The following SBF1 variants were observed in gnomAD, a reference collection of about 807,000 sequenced individuals.
SBF1 encodes myotubularin-related protein 5.
A neutral mutation model predicts 215.8 loss-of-function variants in SBF1; 65 were observed. The ratio of observed to expected loss-of-function variants is 0.30; its 90% CI spans 0.25 to 0.37. The LOEUF is 0.37. Among genes scored for constraint, SBF1 ranks in the 10% least tolerant of loss-of-function variants. SBF1 has a pLI of 1.00. For missense variants in SBF1, 2,634 were observed against 2,667.8 expected (o/e 0.99, Z 0.28); for synonymous variants, 1,410 against 1,122.8 (o/e 1.26, Z -5.11).
intron 1 of SBF1, among the ~76,000 whole-genome samples, chr22:50,469,808 T>A (rs1474248240): frequency 6.6e-6 from 1 of 150,736 alleles, no homozygotes; most frequent in Non-Finnish European, 1.5e-5. Flanking sequence ...TGGGAACAGA[T>A]GAGCAACTCT....
Position 50,455,656 on chromosome 22 carries a change from C to G in SBF1, c.4267-74G>C, listed in dbSNP as rs2067217921. ...CCTGGCCACTCACCAGGCCAGAGACCCGCATGTCCACAGGCAGCGGGGAGG... is the reference window on the plus strand; with the variant it reads ...CCTGGCCACTCACCAGGCCAGAGACGCGCATGTCCACAGGCAGCGGGGAGG... On this transcript the variant is annotated intron_variant, in intron 31 of 40. Transcript: ENST00000380817. 3 of 1,267,018 alleles carry G rather than the reference C, an allele frequency of 2.4e-6. No homozygotes were observed. In the Admixed American group the frequency reaches 6.0e-5, roughly 25 times the overall value. 78.5% of individuals were successfully genotyped at this position (1,267,018 alleles called of 1,614,324 possible). A position where few individuals can be genotyped will look rare whatever the true frequency, so the allele number is the denominator to read the frequency against.
Position 50,448,583 on chromosome 22 carries a change from A to G in SBF1, c.5111T>C (p.Val1704Ala). Residue 1704 changes from valine to alanine, a missense_variant, in exon 37 of 41, where the codon GTG (valine) becomes GCG (alanine). Val to Ala is a moderately conservative substitution (Grantham distance 64). Transcript: ENST00000380817. ...GCCCTCGAGGCGCTGTGCAGCCTTC[A>G]CCCGGTCCCAGGTGTCCTTCCAGCG... ...AERWKDTWDR[V>A]KAAQRLEGRP... 1 of 1,611,984 alleles carries G rather than the reference A, an allele frequency of 6.2e-7. No homozygotes were observed. The highest frequency in any genetic ancestry group is 8.5e-7 in the Non-Finnish European group (1 of 1,180,018).
At chr22:50,456,152 T>C in intron 31 of SBF1, 64 bp downstream of exon 31, 1 of 1,549,674 alleles carries the variant, frequency 6.5e-7, no homozygotes, top group Non-Finnish European at 8.8e-7. Context: ...ACCCGTCCAC[T>C]TGGCTCTACC....
At position 50,462,891 on chromosome 22, in the gene SBF1, A is replaced by T. The variant is rs180800708; in HGVS notation, c.1947T>A (p.Pro649=). The change falls in exon 17 of 41, where the codon CCT becomes CCA. Residue 649 remains proline (P), a synonymous_variant. Coordinates refer to ENST00000380817, the MANE Select transcript of SBF1 (RefSeq NM_002972.4). ...DEHGIAAALL[P]LVTAFCRKLS... ...TCACCCGGCAGAAGGCTGTGACCAG[A>T]GGCAGCAGAGCCGCCGCAATGCCAT... 8,963 of 1,612,982 alleles carry T rather than the reference A, an allele frequency of 5.6e-3. 30 individuals are homozygous for T. Among genetic ancestry groups the T allele is most frequent in the Non-Finnish European group, 6.4e-3 (7,601 of 1,179,910 alleles).
chr22:50,464,205 C>T, intron 15 of SBF1, 124 bp downstream of exon 15: 3 of 815,662 alleles, frequency 3.7e-6, no homozygotes, highest in East Asian at 2.6e-5. Context: ...GCCCAGCCAC[C>T]TCTAGCTGTC....
chr22:50,460,770 C>T (rs2067473992), intron 23 of SBF1, 58 bp from the exon 24 acceptor site: 2 of 1,545,738 alleles, frequency 1.3e-6, no homozygotes, highest in Non-Finnish European at 1.8e-6. Flanking sequence ...CCTCCCCCAA[C>T]TCTGACACTG....
rs759614594 is a variant in SBF1, at chr22:50,461,714, T to G, written c.2648A>C (p.Lys883Thr). The G allele has an allele frequency of 1.2e-6, 2 of 1,609,412 alleles. No individual in the cohort carries two copies. The highest frequency in any genetic ancestry group is 1.7e-6 in the Non-Finnish European group (2 of 1,178,318). ...CGGCAGCAGGCGCGGCCGCAGCAGC[T>G]TGGGCTGCTCGAAAACAAGAGCAGG... The part of the protein sequence containing the change: ...SRRLPPIQKP[K>T]LLRPRLLPGE... The change falls in exon 22 of 41, where the codon AAG becomes ACG. Residue 883 changes from lysine to threonine, a missense_variant. Lys to Thr is a moderately conservative substitution (Grantham distance 78). Transcript: ENST00000380817.
intron 5 of SBF1, chr22:50,466,996 G>A (rs2067792089): frequency 1.8e-6 from 1 of 559,592 alleles, no homozygotes; most frequent in Non-Finnish European, 3.2e-6. Context: ...CCTCAACAGA[G>A]TCCAGCTGCA....
At chr22:50,467,109 A>T in intron 5 of SBF1, 1 of 595,096 alleles carries the variant, frequency 1.7e-6, no homozygotes, top group Admixed American at 3.0e-5. Flanking sequence ...AGACAGGCAC[A>T]CACCATCAAA....
chr22:50,448,513 C>T (rs762952890), intron 37 of SBF1, 30 bp downstream of exon 37: 1 of 1,609,850 alleles, frequency 6.2e-7, no homozygotes, highest in Admixed American at 1.7e-5. Context: ...AACACGCCCA[C>T]CGTGGACGCT....
Position 50,447,546 on chromosome 22 carries a change from G to C in SBF1, c.5427C>G (p.Phe1809Leu). Residue 1809 changes from phenylalanine to leucine, a missense_variant, in exon 39 of 41, where the codon TTC (phenylalanine) becomes TTG (leucine). By Grantham distance (22) the Phe-to-Leu change is conservative. Transcript: ENST00000380817. ...CCTGGTGCTTGGTCTTGTCCAGCAC[G>C]AACCAGCGGGCCTTCCAAGGCTTCA... ...AFMKPWKARW[F>L]VLDKTKHQLR... 1 of 1,612,002 alleles carries C rather than the reference G, an allele frequency of 6.2e-7. No homozygotes were observed.
At position 50,447,099 on chromosome 22, in the gene SBF1, C is replaced by T. The variant is rs182855637; in HGVS notation, c.*43G>A. 1.1e-4 allele frequency: 174 copies of T among 1,555,584 alleles called. No individual in the cohort carries two copies. The Admixed American group carries it at 2.4e-3, about 21-fold the overall frequency. ...GGCGGCCCTGCCCACCCCTAGTGGT[C>T]GGTAACGACCGGAAGCAGAGCAGCC... On this transcript the variant is annotated 3_prime_UTR_variant, in exon 41 of 41. Coordinates refer to ENST00000380817, the MANE Select transcript of SBF1 (RefSeq NM_002972.4).
Position 50,454,598 on chromosome 22 carries a change from C to A in SBF1, c.4957G>T (p.Ala1653Ser). ...ACCACGCGGCGCCTGCTCTGGGGAG[C>A]GCCTCCATCAGACCGTTCTTCCTCT... The part of the protein sequence containing the change: ...PPEEERSDGG[A>S]PQSRRRVVWP... The change falls in exon 36 of 41, where the codon GCT (alanine) becomes TCT (serine). Residue 1653 changes from alanine to serine, a missense_variant. Coordinates refer to ENST00000380817, the MANE Select transcript of SBF1 (RefSeq NM_002972.4). 6.2e-7 allele frequency: 1 copy of A among 1,609,800 alleles called. No individual in the cohort carries two copies. The highest frequency in any genetic ancestry group is 8.5e-7 in the Non-Finnish European group (1 of 1,178,512).
At chr22:50,459,834 C>T (rs961502490) in intron 26 of SBF1, 118 bp downstream of exon 26, 31 of 1,391,396 alleles carry the variant, frequency 2.2e-5, no homozygotes, top group Admixed American at 5.5e-5. Flanking sequence ...TCCCTCTGCC[C>T]GGAGTCTCCC....
chr22:50,465,559 T>A (rs992226218), intron 10 of SBF1, among the ~76,000 whole-genome samples: 1 of 152,196 alleles, frequency 6.6e-6, no homozygotes, highest in African/African-American at 2.4e-5. Flanking sequence ...TTCCAGCCCC[T>A]TGCTGGGCCC....
rs770761811 is a variant in SBF1 at position 50,462,194 on chromosome 22, C to T, written c.2396+11G>A. 4 of 1,604,080 alleles carry T rather than the reference C, an allele frequency of 2.5e-6. No homozygotes were observed. Among genetic ancestry groups the T allele is most frequent in the Non-Finnish European group, 3.4e-6 (4 of 1,179,462 alleles). ...GCCTCCACTGGGCCCAACCCCCAGT[C>T]CCTGCCTCACCTGTTGGTGACCAGG... On this transcript the variant is annotated intron_variant, in intron 19 of 40. Transcript: ENST00000380817.
At position 50,462,059 on chromosome 22, in the gene SBF1, G is replaced by A. The variant is rs755318372; in HGVS notation, c.2457C>T (p.Thr819=). 1.9e-6 allele frequency: 3 copies of A among 1,614,174 alleles called. No homozygotes were observed. The highest frequency in any genetic ancestry group is 2.2e-5 in the South Asian group (2 of 91,090). Reference sequence around the variant, plus strand: ...GGACCACAGCCCCAGCTACGTCGCAGGTCTCTGCATCCTCGAAGCCGCTCT... The same window carrying A: ...GGACCACAGCCCCAGCTACGTCGCAAGTCTCTGCATCCTCGAAGCCGCTCT... The part of the protein sequence containing the change: ...DTESGFEDAE[T]CDVAGAVVRF... The change falls in exon 20 of 41, where the codon ACC becomes ACT. Residue 819 remains threonine (T), a synonymous_variant. Transcript: ENST00000380817.
At position 50,446,658 on chromosome 22, in the gene SBF1, G is replaced by A. The variant is rs1156606155; in HGVS notation, c.*484C>T. 1 of 367,476 alleles carries A rather than the reference G, an allele frequency of 2.7e-6. No homozygotes were observed. The highest frequency in any genetic ancestry group is 5.4e-6 in the Non-Finnish European group (1 of 185,700). 22.8% of individuals were successfully genotyped at this position (367,476 alleles called of 1,614,324 possible). The stretch of plus-strand genomic sequence containing the variant: ...GCAAAGTCACTCCCAGGGACATGCA[G>A]GCCGAGCTGGGTGGACCCAGGCACC... On this transcript the variant is annotated 3_prime_UTR_variant, in exon 41 of 41. Transcript: ENST00000380817.
chr22:50,450,129 G>C (rs541998922), intron 36 of SBF1, among the ~76,000 whole-genome samples: 1 of 152,372 alleles, frequency 6.6e-6, no homozygotes, highest in African/African-American at 2.4e-5. Context: ...AGGGGCTCTA[G>C]AAATCTAGAC....
Sources: gnomAD v4.1 joint callset for allele counts (sites outside exome capture counted in the v4.1 genomes callset) on GRCh38, gnomAD v4.1.1 for gene constraint, MANE v1.5 for transcripts, NCBI Gene and HGNC (gene_info 2026-07-23, HGNC 2026-07-21) for gene names.